The following SLC44A5 variants were observed in gnomAD, a reference collection of about 807,000 sequenced individuals.
SLC44A5 encodes the protein choline transporter-like protein 5.
A neutral mutation model predicts 101.8 loss-of-function variants in SLC44A5; 57 were observed. The observed-to-expected ratio is 0.56, with a 90% CI of 0.45 to 0.70. The LOEUF (loss-of-function observed/expected upper bound fraction) is 0.70. SLC44A5 is among the 30% of genes least tolerant of loss of function. The pLI is 0.00. For missense variants in SLC44A5, 737 were observed against 853.1 expected, an observed-to-expected ratio of 0.86 and a Z score of 1.70; for synonymous variants, 281 against 290.9, an observed-to-expected ratio of 0.97 and a Z score of 0.35.
the SLC44A5 span, among the ~76,000 whole-genome samples, chr1:75,709,764 C>A: frequency 6.6e-6 from 1 of 152,060 alleles, no homozygotes; most frequent in African/African-American, 2.4e-5. Flanking sequence ...TCTCAAAAAT[C>A]AGTTTTTAAT....
At chr1:75,520,352 G>A (rs895398763) in intron 2 of SLC44A5, among the ~76,000 whole-genome samples, 13 of 152,064 alleles carry the variant, frequency 8.5e-5, no homozygotes, top group Non-Finnish European at 1.8e-4. Flanking sequence ...AAATTGGGAT[G>A]GGCAGGCCAA....
intron 1 of SLC44A5, among the ~76,000 whole-genome samples, chr1:75,542,204 C>T (rs1306797293): frequency 1.3e-5 from 2 of 151,998 alleles, no homozygotes; most frequent in African/African-American, 2.4e-5. Flanking sequence ...AGAAAAGCTG[C>T]AGAAATATAC....
intron 5 of SLC44A5, among the ~76,000 whole-genome samples, chr1:75,282,976 AG>A (rs1274436180): frequency 6.6e-6 from 1 of 152,138 alleles, no homozygotes; most frequent in Non-Finnish European, 1.5e-5. Context: ...TGCGTGTGCA[AG>A]TATCTTTTTC....
At chr1:75,218,837 A>C in intron 16 of SLC44A5, 85 bp from the exon 17 acceptor site, 2 of 1,300,594 alleles carry the variant, frequency 1.5e-6, no homozygotes, top group South Asian at 2.9e-5. Context: ...CTTCCCCTTA[A>C]TTGCATATCC....
At chr1:75,434,468 T>C (rs774650501) in intron 2 of SLC44A5, among the ~76,000 whole-genome samples, 1 of 152,166 alleles carries the variant, frequency 6.6e-6, no homozygotes, top group Non-Finnish European at 1.5e-5. Context: ...GTCACCTTCA[T>C]ATTCCTCTGC....
chr1:75,723,139 A>G, the SLC44A5 span, among the ~76,000 whole-genome samples: 2 of 152,132 alleles, frequency 1.3e-5, no homozygotes, highest in Admixed American at 1.3e-4. Context: ...CTTCCAGCCA[A>G]TGGAAACCGG....
chr1:75,410,048 A>G (rs985799487), intron 2 of SLC44A5, among the ~76,000 whole-genome samples: 1 of 152,144 alleles, frequency 6.6e-6, no homozygotes, highest in African/African-American at 2.4e-5. Flanking sequence ...CCAATAATTC[A>G]GATATAATGT....
At chr1:75,562,573 C>T (rs990427379) in intron 1 of SLC44A5, among the ~76,000 whole-genome samples, 2 of 151,998 alleles carry the variant, frequency 1.3e-5, no homozygotes, top group African/African-American at 4.8e-5. Context: ...TGACCTGCAC[C>T]TGTACTCCTA....
chr1:75,248,707 C>A (rs1372099299), intron 7 of SLC44A5, among the ~76,000 whole-genome samples: 3 of 152,066 alleles, frequency 2.0e-5, no homozygotes, highest in African/African-American at 7.2e-5. Context: ...GCATTAACGG[C>A]CCACTTGAAG....
chr1:75,329,269 G>A (rs1656841643), intron 4 of SLC44A5, among the ~76,000 whole-genome samples: 3 of 152,018 alleles, frequency 2.0e-5, no homozygotes, highest in Admixed American at 1.3e-4. Flanking sequence ...TTTCACAGAC[G>A]CTGATCACTA....
At chr1:75,302,126 T>TTTG (rs1654531388) in intron 4 of SLC44A5, among the ~76,000 whole-genome samples, 1 of 140,886 alleles carries the variant, frequency 7.1e-6, no homozygotes, top group Non-Finnish European at 1.5e-5. Flanking sequence ...TTTTTTTTTT[T>TTTG]TTTTTTTTTT....
chr1:75,469,473 A>T (rs74898896), intron 2 of SLC44A5, among the ~76,000 whole-genome samples: 1 of 151,632 alleles, frequency 6.6e-6, no homozygotes, highest in African/African-American at 2.4e-5. Flanking sequence ...GAAAAAAAAA[A>T]GTGTAGTGAA....
chr1:75,352,299 A>G (rs947037790), intron 3 of SLC44A5, among the ~76,000 whole-genome samples: 9 of 151,972 alleles, frequency 5.9e-5, no homozygotes, highest in African/African-American at 2.2e-4. Context: ...AGATCAACCC[A>G]TCACCCGGGT....
intron 2 of SLC44A5, among the ~76,000 whole-genome samples, chr1:75,422,067 C>T (rs948893537): frequency 2.0e-5 from 3 of 151,994 alleles, no homozygotes; most frequent in African/African-American, 7.3e-5. Context: ...GTTAAAACCA[C>T]TGGTGTGTGT....
chr1:75,577,422 T>C (rs1168097665), intron 1 of SLC44A5, among the ~76,000 whole-genome samples: 4 of 152,236 alleles, frequency 2.6e-5, no homozygotes, highest in Admixed American at 2.6e-4. Context: ...GAAACAAACA[T>C]GCGAAGCATG....
At chr1:75,437,284 A>G (rs891136452) in intron 2 of SLC44A5, among the ~76,000 whole-genome samples, 1 of 152,102 alleles carries the variant, frequency 6.6e-6, no homozygotes, top group Non-Finnish European at 1.5e-5. Context: ...AATAGCATCA[A>G]CTCAACTACA....
intron 2 of SLC44A5, among the ~76,000 whole-genome samples, chr1:75,506,844 T>C (rs1458662827): frequency 1.3e-5 from 2 of 151,914 alleles, no homozygotes; most frequent in East Asian, 3.8e-4. Context: ...GATTGCTCTG[T>C]CTAGGACTTT....
intron 1 of SLC44A5, among the ~76,000 whole-genome samples, chr1:75,602,828 CTT>C (rs1174579323): frequency 1.3e-5 from 2 of 151,942 alleles, no homozygotes; most frequent in African/African-American, 4.8e-5. Context: ...AATTTTATGA[CTT>C]TGGATATTTT....
At chr1:75,288,907 T>A (rs1213772416) in intron 5 of SLC44A5, among the ~76,000 whole-genome samples, 1 of 152,220 alleles carries the variant, frequency 6.6e-6, no homozygotes, top group Non-Finnish European at 1.5e-5. Flanking sequence ...TTTGATAATA[T>A]CCTTATTCCA....
Sources: allele counts gnomAD v4.1 joint callset (sites outside exome capture counted in the v4.1 genomes callset), GRCh38; gene constraint gnomAD v4.1.1; transcripts MANE v1.5; gene names NCBI Gene and HGNC (gene_info 2026-07-23, HGNC 2026-07-21).